ASH1L: variants seen among roughly 807,000 people sequenced by gnomAD.
ASH1L encodes histone-lysine N-methyltransferase ASH1L.
ASH1L carries 23 observed loss-of-function variants against 269.0 expected under a neutral mutation model. The observed-to-expected ratio is 0.09, with a 90% CI of 0.06 to 0.12. The LOEUF (loss-of-function observed/expected upper bound fraction) is 0.12. Ranked by LOEUF, ASH1L falls within the 10% of genes least tolerant of loss-of-function variation. ASH1L has a pLI of 1.00. For synonymous variants in ASH1L, 1,187 were observed against 1,253.5 expected (o/e 0.95, Z 1.12); for missense variants, 2,912 against 3,567.8 (o/e 0.82, Z 4.68).
At chr1:155,535,703 T>C (rs1192400130) in intron 1 of ASH1L, among the ~76,000 whole-genome samples, 1 of 150,226 alleles carries the variant, frequency 6.7e-6, no homozygotes, top group Non-Finnish European at 1.5e-5. Context: ...TAAAAATGTA[T>C]AGCACATTAG....
chr1:155,525,288 A>G (rs1461975982), intron 1 of ASH1L, among the ~76,000 whole-genome samples: 4 of 152,020 alleles, frequency 2.6e-5, no homozygotes, highest in African/African-American at 7.2e-5. Flanking sequence ...CAAAAAATAA[A>G]AAGTACAAAG....
intron 1 of ASH1L, among the ~76,000 whole-genome samples, chr1:155,547,723 CAA>C (rs1040051903): frequency 7.5e-6 from 1 of 133,564 alleles, no homozygotes; most frequent in South Asian, 2.4e-4. Flanking sequence ...AACTCAGTCT[CAA>C]AAAAAAAAAG....
At chr1:155,506,680 C>T (rs1311988860) in intron 2 of ASH1L, among the ~76,000 whole-genome samples, 1 of 152,006 alleles carries the variant, frequency 6.6e-6, no homozygotes, top group Non-Finnish European at 1.5e-5. Flanking sequence ...GGGCAATGGA[C>T]CGAGACTCCA....
intron 3 of ASH1L, among the ~76,000 whole-genome samples, chr1:155,465,289 C>CAAAAAAAAAAAAAAAAA (rs1171228344): frequency 1.6e-4 from 10 of 62,540 alleles, no homozygotes; most frequent in Non-Finnish European, 2.2e-4. Flanking sequence ...TACAAATTAG[C>CAAAAAAAAAAAAAAAAA]AAAAAAAAAA....
At position 155,562,776 on chromosome 1, in the gene ASH1L, TA is replaced by T; in HGVS notation, c.-724del. ...CGGCGCCGGCGCAGGCCCTCACGCG[TA>T]CCTTCAACGGCGCAAGCCCAAGCCT... On this transcript the variant is annotated 5_prime_UTR_variant, in exon 1 of 28. Coordinates refer to ENST00000392403, the MANE Select transcript of ASH1L (RefSeq NM_018489.3). 1 of 760,968 alleles carries T rather than the reference TA, an allele frequency of 1.3e-6. No individual in the cohort carries two copies. The highest frequency in any genetic ancestry group is 2.4e-4 in the Middle Eastern group (1 of 4,126). The allele number at this position is 760,968 out of a possible 1,614,324, so 47.1% of individuals were successfully genotyped here. A position where few individuals can be genotyped will look rare whatever the true frequency, so the allele number is the denominator to read the frequency against.
At chr1:155,379,751 A>G (rs960682089) in intron 8 of ASH1L, among the ~76,000 whole-genome samples, 3 of 152,194 alleles carry the variant, frequency 2.0e-5, no homozygotes, top group African/African-American at 7.2e-5. Context: ...ACCTGCATCA[A>G]ATAGAATTCT....
chr1:155,452,919 A>G (rs1246830965), intron 4 of ASH1L, among the ~76,000 whole-genome samples: 1 of 152,186 alleles, frequency 6.6e-6, no homozygotes, highest in Non-Finnish European at 1.5e-5. Context: ...TGGTAGTCAG[A>G]GTTCAAATGT....
At chr1:155,543,863 G>C (rs1158898371) in intron 1 of ASH1L, among the ~76,000 whole-genome samples, 1 of 152,030 alleles carries the variant, frequency 6.6e-6, no homozygotes. Context: ...GAGCCCGGGA[G>C]GTTGAGGCTG....
At position 155,480,964 on chromosome 1, in the gene ASH1L, A is replaced by T. The variant is rs1271939125; in HGVS notation, c.1906T>A (p.Ser636Thr). 6.2e-7 allele frequency: 1 copy of T among 1,614,054 alleles called. No homozygotes were observed. The highest frequency in any genetic ancestry group is 2.2e-5 in the East Asian group (1 of 44,876). The change falls in exon 3 of 28, where the codon TCA becomes ACA. Residue 636 changes from serine (S) to threonine (T), a missense_variant. Physicochemically the swap from Ser to Thr is moderately conservative, Grantham distance 58 (BLOSUM62 1). Coordinates refer to ENST00000392403, the MANE Select transcript of ASH1L (RefSeq NM_018489.3). ...CKGIDKEVNDSKTTHIDIPRI... is the reference protein window; with the variant it reads ...CKGIDKEVNDTKTTHIDIPRI... Reference sequence around the variant, plus strand: ...GGAATATCTATATGGGTAGTTTTTGAATCATTTACCTCTTTATCAATCCCT... The same window carrying T: ...GGAATATCTATATGGGTAGTTTTTGTATCATTTACCTCTTTATCAATCCCT...
intron 12 of ASH1L, among the ~76,000 whole-genome samples, chr1:155,363,302 G>C (rs894853285): frequency 2.0e-5 from 3 of 151,812 alleles, no homozygotes; most frequent in African/African-American, 7.3e-5. Flanking sequence ...TTTTTAAACA[G>C]TATCTCACTC....
intron 4 of ASH1L, among the ~76,000 whole-genome samples, chr1:155,443,652 TAA>T (rs1469787375): frequency 5.9e-5 from 9 of 152,158 alleles, no homozygotes; most frequent in African/African-American, 1.4e-4. Context: ...TGTTATATAT[TAA>T]GTTTGCTTTT....
At position 155,530,165 on chromosome 1, in the gene ASH1L, A is replaced by C. The variant is rs1312347835; in HGVS notation, c.-99-8547T>G. On this transcript the variant is annotated intron_variant, in intron 1 of 27. Transcript: ENST00000392403. ...ATTTTACAGAAGAAGCATTTCCTAA[A>C]AAAAACACCTATCCCCCCACCACCC... 4.6e-5 allele frequency among the ~76,000 whole-genome samples: 7 copies of C among 152,132 alleles called. No homozygotes were observed. The South Asian group carries it at 1.5e-3, about 32-fold the overall frequency.
chr1:155,529,254 T>C (rs1669491159), intron 1 of ASH1L, among the ~76,000 whole-genome samples: 1 of 152,182 alleles, frequency 6.6e-6, no homozygotes, highest in African/African-American at 2.4e-5. Context: ...TTTTAGGTCT[T>C]TGAGGGATGA....
intron 3 of ASH1L, among the ~76,000 whole-genome samples, chr1:155,477,031 C>G (rs1665603753): frequency 6.6e-6 from 1 of 152,090 alleles, no homozygotes; most frequent in African/African-American, 2.4e-5. Flanking sequence ...TAGATTATCA[C>G]TAAAAAAGAT....
chr1:155,383,456 A>G (rs1162080738), intron 7 of ASH1L, among the ~76,000 whole-genome samples: 1 of 152,170 alleles, frequency 6.6e-6, no homozygotes, highest in East Asian at 1.9e-4. Flanking sequence ...CTACATTTAG[A>G]TATGTAAATA....
At chr1:155,524,703 G>A (rs918658790) in intron 1 of ASH1L, among the ~76,000 whole-genome samples, 1 of 151,810 alleles carries the variant, frequency 6.6e-6, no homozygotes, top group African/African-American at 2.4e-5. Flanking sequence ...CCAGGTGTGT[G>A]GTGTCATGTG....
At chr1:155,403,422 C>G (rs1036859049) in intron 6 of ASH1L, among the ~76,000 whole-genome samples, 3 of 152,136 alleles carry the variant, frequency 2.0e-5, no homozygotes, top group African/African-American at 7.2e-5. Context: ...TGCCAGAACT[C>G]AAATGTTAAC....
chr1:155,554,080 C>T lies in ASH1L; in HGVS notation c.-100+8073G>A, dbSNP rs1048756416. On this transcript the variant is annotated intron_variant, in intron 1 of 27. Transcript: ENST00000392403. ...AAAGTGTAAGCCACTGCGCCCGGCC[C>T]GAGTTTTTTTTTTTTTCCTTTAGAG... Among the ~76,000 whole-genome samples the T allele has an allele frequency of 6.0e-5, 9 of 150,196 alleles. No individual in the cohort carries two copies. The East Asian group carries it at 9.8e-4, about 16-fold the overall frequency.
At chr1:155,407,176 TTGCGCCAC>T (rs1659367065) in intron 6 of ASH1L, among the ~76,000 whole-genome samples, 1 of 152,048 alleles carries the variant, frequency 6.6e-6, no homozygotes, top group African/African-American at 2.4e-5. Flanking sequence ...TGAGCCAAGA[TTGCGCCAC>T]TGCACTCCAG....
Sources: allele counts gnomAD v4.1 joint callset (sites outside exome capture counted in the v4.1 genomes callset), GRCh38; gene constraint gnomAD v4.1.1; transcripts MANE v1.5; gene names NCBI Gene and HGNC (gene_info 2026-07-23, HGNC 2026-07-21).